SLCO1C1: variants seen among roughly 807,000 people sequenced by gnomAD.
SLCO1C1 encodes solute carrier organic anion transporter family member 1C1, also known as OAT-RP-5.
Under a neutral mutation model 76.4 loss-of-function variants are expected in SLCO1C1, and 70 were observed. That is an observed-to-expected ratio of 0.92 (90% confidence interval 0.76 to 1.12). The LOEUF (loss-of-function observed/expected upper bound fraction) is 1.12. Among genes scored for constraint, SLCO1C1 ranks in the 50% most tolerant of loss-of-function variants. The pLI is 0.00. For missense variants in SLCO1C1, 912 were observed against 823.8 expected (o/e 1.11, Z -1.31); for synonymous variants, 306 against 286.1 (o/e 1.07, Z -0.70).
chr12:20,749,838 CAGTTT>C (rs1235395609), intron 13 of SLCO1C1, among the ~76,000 whole-genome samples: 1 of 152,170 alleles, frequency 6.6e-6, no homozygotes, highest in African/African-American at 2.4e-5. Context: ...AGAATTAATG[CAGTTT>C]AGTTTATCAA....
intron 1 of SLCO1C1, chr12:20,697,637 G>A (rs934340123): frequency 6.6e-6 from 1 of 151,974 alleles, no homozygotes; most frequent in African/African-American, 2.4e-5. Context: ...TTTATCAACT[G>A]ATGTTTTTCA....
chr12:20,747,498 G>GCTAAGAA (rs373607048), intron 13 of SLCO1C1, among the ~76,000 whole-genome samples: 6 of 152,248 alleles, frequency 3.9e-5, no homozygotes, highest in African/African-American at 1.4e-4. Flanking sequence ...AATTGTCAAA[G>GCTAAGAA]CTATGATGGT....
chr12:20,735,200 C>T (rs1948482901), intron 10 of SLCO1C1, among the ~76,000 whole-genome samples: 1 of 152,088 alleles, frequency 6.6e-6, no homozygotes, highest in African/African-American at 2.4e-5. Flanking sequence ...GCTGTCTTGA[C>T]CTGAATATTC....
chr12:20,720,202 A>T (rs7977771), intron 7 of SLCO1C1, among the ~76,000 whole-genome samples: 96,701 of 151,904 alleles, frequency 0.64, 31,860 homozygotes, highest in East Asian at 0.96. Context: ...CAGGAAAAAA[A>T]ATATATATAT....
intron 9 of SLCO1C1, among the ~76,000 whole-genome samples, chr12:20,730,274 T>G: frequency 6.6e-6 from 1 of 152,182 alleles, no homozygotes; most frequent in Middle Eastern, 3.2e-3. Context: ...GCATTCATAG[T>G]CAGGTACTAT....
At chr12:20,750,422 T>C (rs1386191943) in intron 13 of SLCO1C1, among the ~76,000 whole-genome samples, 2 of 152,146 alleles carry the variant, frequency 1.3e-5, no homozygotes, top group East Asian at 1.9e-4. Flanking sequence ...GGGGAAGAAG[T>C]TGAGCTCATG....
intron 5 of SLCO1C1, among the ~76,000 whole-genome samples, chr12:20,712,306 A>C (rs1030006427): frequency 6.6e-6 from 1 of 152,164 alleles, no homozygotes; most frequent in East Asian, 1.9e-4. Context: ...ATTCTCTTCT[A>C]TATCACTGTA....
intron 3 of SLCO1C1, among the ~76,000 whole-genome samples, chr12:20,703,246 A>G (rs1432501469): frequency 6.6e-6 from 1 of 151,946 alleles, no homozygotes; most frequent in African/African-American, 2.4e-5. Flanking sequence ...TCAAGATTCT[A>G]GAACAAATAT....
chr12:20,714,226 A>G (rs1039502739), intron 5 of SLCO1C1, among the ~76,000 whole-genome samples: 1 of 152,216 alleles, frequency 6.6e-6, no homozygotes, highest in African/African-American at 2.4e-5. Context: ...ACAGGTAAAG[A>G]TAACTCCTAC....
chr12:20,736,537 T>C (rs571777144), intron 10 of SLCO1C1, among the ~76,000 whole-genome samples: 1 of 152,194 alleles, frequency 6.6e-6, no homozygotes, highest in South Asian at 2.1e-4. Context: ...AGGAGAAAGG[T>C]TGAATGAACT....
chr12:20,734,916 G>C (rs778077809), intron 10 of SLCO1C1, among the ~76,000 whole-genome samples: 13 of 152,124 alleles, frequency 8.5e-5, no homozygotes, highest in African/African-American at 1.4e-4. Flanking sequence ...CAAGGGCAAA[G>C]ATTTAACCTT....
In SLCO1C1 at chr12:20,717,648, C is replaced by CTTTTTTTTTTTTTTT. The variant is rs534946900; in HGVS notation, c.775+448_775+462dup. ...GTCTACTGGCAACCAAACAGCCCTT[C>CTTTTTTTTTTTTTTT]TTTTTTTTTTTTTTTTTTTTTTTTT... On this transcript the variant is annotated intron_variant, in intron 7 of 14. Transcript: ENST00000266509. 7.1e-5 allele frequency among the ~76,000 whole-genome samples: 3 copies of CTTTTTTTTTTTTTTT among 42,322 alleles called. 1 individual carries two copies. Among genetic ancestry groups the CTTTTTTTTTTTTTTT allele is most frequent in the Non-Finnish European group, 1.5e-4 (3 of 19,846 alleles). 27.8% of individuals were successfully genotyped at this position (42,322 alleles called of 152,430 possible).
At chr12:20,747,419 ACT>A (rs1016846744) in intron 13 of SLCO1C1, among the ~76,000 whole-genome samples, 8 of 126,462 alleles carry the variant, frequency 6.3e-5, no homozygotes, top group African/African-American at 1.5e-4. Context: ...ACAGAGGGAG[ACT>A]CTGTCTCAAA....
chr12:20,703,559 TAG>T (rs1343430352), intron 3 of SLCO1C1, among the ~76,000 whole-genome samples: 1 of 151,826 alleles, frequency 6.6e-6, no homozygotes. Flanking sequence ...GTGGTTTTGA[TAG>T]ATACACTTTA....
intron 4 of SLCO1C1, among the ~76,000 whole-genome samples, chr12:20,708,892 C>A (rs2120657993): frequency 6.6e-6 from 1 of 152,288 alleles, no homozygotes; most frequent in East Asian, 1.9e-4. Flanking sequence ...TGTTGCTGGT[C>A]TGCAGACCAT....
At chr12:20,733,388 C>T (rs1948387167) in intron 10 of SLCO1C1, among the ~76,000 whole-genome samples, 1 of 152,128 alleles carries the variant, frequency 6.6e-6, no homozygotes, top group African/African-American at 2.4e-5. Context: ...AAATACAAAC[C>T]TTGAATAATG....
chr12:20,706,133 T>C, intron 4 of SLCO1C1, 52 bp downstream of exon 4: 1 of 1,540,272 alleles, frequency 6.5e-7, no homozygotes, highest in Non-Finnish European at 8.8e-7. Context: ...ACTGCATTTC[T>C]CCCTTTTATG....
rs1406957287 is a variant in SLCO1C1 at position 20,709,678 on chromosome 12, G to A, written c.405-1708G>A. Among the ~76,000 whole-genome samples, 10 of 16,514 alleles carry A rather than the reference G, an allele frequency of 6.1e-4. 3 individuals carry two copies. The highest frequency in any genetic ancestry group is 1.7e-3 in the African/African-American group (10 of 6,050). The allele number at this position is 16,514 out of a possible 152,430, so 10.8% of individuals were successfully genotyped here. On this transcript the variant is annotated intron_variant, in intron 4 of 14. Transcript: ENST00000266509. ...GGGTGGATCATGAGGTCAGGAGATC[G>A]AGACCATCCTGGCTAACAAGGTGAA... is the stretch of plus-strand genomic sequence containing the variant.
rs1031057464 is a variant in SLCO1C1 at position 20,699,605 on chromosome 12, A to G, written c.29A>G (p.Gln10Arg). Residue 10 changes from glutamine (Q) to arginine (R), a missense_variant, in exon 2 of 15, where the codon CAG (glutamine) becomes CGG (arginine). Transcript: ENST00000266509. Reference sequence around the variant, plus strand: ...GACACTTCATCCAAAGAAAATATCCAGTTGTTCTGCAAAACTTCAGTGCAA... The same window carrying G: ...GACACTTCATCCAAAGAAAATATCCGGTTGTTCTGCAAAACTTCAGTGCAA... MDTSSKENI[Q>R]LFCKTSVQPV... 6.2e-7 allele frequency: 1 copy of G among 1,612,080 alleles called. No individual in the cohort carries two copies. Among genetic ancestry groups the G allele is most frequent in the Non-Finnish European group, 8.5e-7 (1 of 1,179,000 alleles).
Sources: gnomAD v4.1 joint callset for allele counts (sites outside exome capture counted in the v4.1 genomes callset) on GRCh38, gnomAD v4.1.1 for gene constraint, MANE v1.5 for transcripts, NCBI Gene and HGNC (gene_info 2026-07-23, HGNC 2026-07-21) for gene names.